The following PCDH9 variants were observed in gnomAD, a reference collection of about 807,000 sequenced individuals.
PCDH9 encodes protocadherin 9.
Under a neutral mutation model 70.6 loss-of-function variants are expected in PCDH9, and 24 were observed. The ratio of observed to expected loss-of-function variants is 0.34; its 90% confidence interval spans 0.25 to 0.48. The LOEUF (loss-of-function observed/expected upper bound fraction) is 0.48, where lower values mean the gene tolerates loss of function less well. PCDH9 is among the 20% of genes least tolerant of loss of function. PCDH9 has a pLI of 0.99. For missense variants in PCDH9, 1,281 were observed against 1,503.6 expected (o/e 0.85, Z 2.45); for synonymous variants, 562 against 558.5 (o/e 1.01, Z -0.09).
intron 3 of PCDH9, among the ~76,000 whole-genome samples, chr13:66,844,575 A>ACTC (rs987813301): frequency 7.0e-6 from 1 of 142,012 alleles, no homozygotes; most frequent in African/African-American, 2.6e-5. Flanking sequence ...ACAGGGCGAG[A>ACTC]CTCTGTCTCA....
chr13:66,772,039 C>T (rs1408902307), intron 3 of PCDH9, among the ~76,000 whole-genome samples: 1 of 152,166 alleles, frequency 6.6e-6, no homozygotes, highest in Non-Finnish European at 1.5e-5. Context: ...TTCACAAAAA[C>T]ATGGAACAAT....
chr13:66,819,832 G>A (rs2080678694), intron 3 of PCDH9, among the ~76,000 whole-genome samples: 1 of 152,136 alleles, frequency 6.6e-6, no homozygotes, highest in Non-Finnish European at 1.5e-5. Flanking sequence ...GGAAGCCCAT[G>A]CTACAGTGAG....
At chr13:66,801,481 T>C (rs193020238) in intron 3 of PCDH9, among the ~76,000 whole-genome samples, 151 of 152,256 alleles carry the variant, frequency 9.9e-4, no homozygotes, top group African/African-American at 3.0e-3. Flanking sequence ...AGTTTACATA[T>C]TGCTGCAGGC....
rs543678429 is a variant in PCDH9 at position 66,806,143 on chromosome 13, T to C, written c.3138+97361A>G. The stretch of plus-strand genomic sequence containing the variant: ...ATCTCTCTGTACATATTCATAAATA[T>C]GTGTTTATGAATGTGTAAACCTTCC... On this transcript the variant is annotated intron_variant, in intron 3 of 4. Coordinates refer to ENST00000377865, the MANE Select transcript of PCDH9 (RefSeq NM_203487.3). Among the ~76,000 whole-genome samples, 386 of 152,286 alleles carry C rather than the reference T, an allele frequency of 2.5e-3. 4 individuals are homozygous for C. Among genetic ancestry groups the C allele is most frequent in the African/African-American group, 8.0e-3 (333 of 41,574 alleles).
At chr13:66,898,053 G>A (rs2139585109) in intron 3 of PCDH9, among the ~76,000 whole-genome samples, 1 of 152,120 alleles carries the variant, frequency 6.6e-6, no homozygotes, top group East Asian at 1.9e-4. Flanking sequence ...TGGTAAAAGG[G>A]TGAAAAACTT....
In PCDH9 at chr13:67,227,470, G is replaced by A. The variant is rs778004717; in HGVS notation, c.971C>T (p.Ala324Val). ...VQRSLDREET[A>V]IHKVTVLASD... ...AGCCAGCACTGTCACTTTGTGAATG[G>A]CTGTCTCCTCTCTATCTAAGGACCT... The change falls in exon 2 of 5, where the codon GCC (alanine) becomes GTC (valine). Residue 324 changes from alanine (A) to valine (V), a missense_variant. This residue lies in a region of PCDH9 where 798 missense variants were observed against 1,003.1 expected (regional missense o/e 0.80). Transcript: ENST00000377865. The surrounding 1 kb of genome is among the most constrained non-coding windows in gnomAD (Gnocchi z 4.6). 1 of 1,613,678 alleles carries A rather than the reference G, an allele frequency of 6.2e-7. No individual in the cohort carries two copies. The highest frequency in any genetic ancestry group is 8.5e-7 in the Non-Finnish European group (1 of 1,179,678).
chr13:66,730,740 A>G (rs192531958), intron 3 of PCDH9, among the ~76,000 whole-genome samples: 26 of 149,968 alleles, frequency 1.7e-4, no homozygotes, highest in Admixed American at 4.7e-4. Flanking sequence ...GTGCAGTGGC[A>G]CAATTATAGC....
intron 2 of PCDH9, chr13:67,216,683 C>CATATATATATATATATAT (rs34829318): frequency 0.06 from 5,361 of 89,960 alleles, 437 homozygotes; most frequent in Non-Finnish European, 0.084. Context: ...TCTTAAGCAA[C>CATATATATATATATATAT]ATATATATAT....
intron 4 of PCDH9, among the ~76,000 whole-genome samples, chr13:66,567,593 C>T (rs1296668951): frequency 6.6e-6 from 1 of 152,138 alleles, no homozygotes; most frequent in Admixed American, 6.5e-5. Flanking sequence ...ACCTCTTAAA[C>T]ATTTATACTT....
Position 66,411,645 on chromosome 13 carries a change from G to GGATAGATA in PCDH9, c.3341-106625_3341-106618dup, listed in dbSNP as rs57986608. On this transcript the variant is annotated intron_variant, in intron 4 of 4. Transcript: ENST00000377865. Reference sequence around the variant, plus strand: ...GAAGATAGACAGATATATAGATGATGGATAGATAGATAGATAGATAGATAG... The same window carrying GGATAGATA: ...GAAGATAGACAGATATATAGATGATGGATAGATAGATAGATAGATAGATAGATAGATAG... 8.7e-3 allele frequency among the ~76,000 whole-genome samples: 1,320 copies of GGATAGATA among 151,012 alleles called. 20 individuals are homozygous for GGATAGATA. Among genetic ancestry groups the GGATAGATA allele is most frequent in the African/African-American group, 0.028 (1,137 of 40,988 alleles).
In PCDH9 at chr13:66,569,355, A is replaced by C. The variant is rs1311656200; in HGVS notation, c.3340+61855T>G. Among the ~76,000 whole-genome samples, 3 of 152,008 alleles carry C rather than the reference A, an allele frequency of 2.0e-5. No homozygotes were observed. The South Asian group carries it at 6.2e-4, about 32-fold the overall frequency. On this transcript the variant is annotated intron_variant, in intron 4 of 4. Coordinates refer to ENST00000377865, the MANE Select transcript of PCDH9 (RefSeq NM_203487.3). The stretch of plus-strand genomic sequence containing the variant: ...TTAAAACAATTAGAAAGGGTAGATA[A>C]ATAAAAATAAATTACAAACTCACCT...
chr13:66,661,082 C>T (rs2139016357), intron 3 of PCDH9, among the ~76,000 whole-genome samples: 1 of 151,926 alleles, frequency 6.6e-6, no homozygotes. Context: ...ATAACGAATC[C>T]CATTTTATTT....
chr13:66,501,527 G>A (rs1959177092), intron 4 of PCDH9, among the ~76,000 whole-genome samples: 1 of 151,854 alleles, frequency 6.6e-6, no homozygotes, highest in Non-Finnish European at 1.5e-5. Context: ...TTTTCTCCTG[G>A]CAACTATAAA....
chr13:67,041,883 C>T (rs1364576047), intron 2 of PCDH9, among the ~76,000 whole-genome samples: 1 of 152,018 alleles, frequency 6.6e-6, no homozygotes, highest in South Asian at 2.1e-4. Flanking sequence ...TGTATTCCCT[C>T]ATGTTTTCAG....
intron 2 of PCDH9, among the ~76,000 whole-genome samples, chr13:67,015,487 T>G (rs997904698): frequency 6.6e-6 from 1 of 152,150 alleles, no homozygotes; most frequent in African/African-American, 2.4e-5. Flanking sequence ...CGCTCAACTT[T>G]GAAATCATCA....
At chr13:67,128,510 T>C (rs765274893) in intron 2 of PCDH9, among the ~76,000 whole-genome samples, 2 of 152,182 alleles carry the variant, frequency 1.3e-5, no homozygotes, top group African/African-American at 4.8e-5. Flanking sequence ...TTAATCAACG[T>C]TATGGCAGTT....
At chr13:66,576,865 G>A (rs1009511251) in intron 4 of PCDH9, among the ~76,000 whole-genome samples, 2 of 152,004 alleles carry the variant, frequency 1.3e-5, no homozygotes, top group African/African-American at 4.8e-5. Context: ...CAACTCATCA[G>A]TGAATTTATT....
rs538084869 is a variant in PCDH9, at chr13:66,980,928, G to A, written c.3037-77323C>T. On this transcript the variant is annotated intron_variant, in intron 2 of 4. Coordinates refer to ENST00000377865, the MANE Select transcript of PCDH9 (RefSeq NM_203487.3). ...AAAAATAGATAAAAACATGCATGCT[G>A]ATTCCAAGCTGTTTTATAAGCTATA... is the stretch of plus-strand genomic sequence containing the variant. Among the ~76,000 whole-genome samples the A allele has an allele frequency of 1.3e-4, 19 of 151,972 alleles. No individual in the cohort carries two copies. The South Asian group carries it at 3.5e-3, about 28-fold the overall frequency.
intron 2 of PCDH9, among the ~76,000 whole-genome samples, chr13:67,133,862 G>T (rs1045654593): frequency 6.6e-6 from 1 of 152,068 alleles, no homozygotes; most frequent in Non-Finnish European, 1.5e-5. Flanking sequence ...ATTTAGATTA[G>T]ATTCACATAA....
Sources: gnomAD v4.1 joint callset for allele counts (sites outside exome capture counted in the v4.1 genomes callset) on GRCh38, gnomAD v4.1.1 for gene constraint, gnomAD v4.1.1 regional missense constraint, Gnocchi (gnomAD v3.1) non-coding constraint, MANE v1.5 for transcripts, NCBI Gene and HGNC (gene_info 2026-07-23, HGNC 2026-07-21) for gene names.